SCML4: variants seen among roughly 807,000 people sequenced by gnomAD.
SCML4 encodes the protein Scm polycomb group protein like 4.
Under a neutral mutation model 41.1 loss-of-function variants are expected in SCML4, and 34 were observed. The ratio of observed to expected loss-of-function variants is 0.83; its 90% CI spans 0.63 to 1.10. The LOEUF (loss-of-function observed/expected upper bound fraction) is 1.10, where lower values mean the gene tolerates loss of function less well. SCML4 is among the 50% of genes least tolerant of loss of function. SCML4 has a pLI of 0.00. For synonymous variants in SCML4, 214 were observed against 220.9 expected (o/e 0.97, Z 0.28); for missense variants, 522 against 534.1 (o/e 0.98, Z 0.22).
intron 2 of SCML4, among the ~76,000 whole-genome samples, chr6:107,763,064 G>A (rs377047373): frequency 2.6e-5 from 4 of 151,900 alleles, no homozygotes; most frequent in South Asian, 4.2e-4. Flanking sequence ...TTTATTTTTT[G>A]TAGAAGCAGG....
upstream of SCML4, among the ~76,000 whole-genome samples, chr6:107,825,956 A>AAAG (rs1168842777): frequency 1.3e-5 from 2 of 149,094 alleles, no homozygotes; most frequent in African/African-American, 5.0e-5. Flanking sequence ...AAAAAAAAAA[A>AAAG]GAAAATAAGA....
rs546464446 is a variant in SCML4 at position 107,703,888 on chromosome 6, T to A, written c.*1312A>T. ...CAAAGGCGAATTCATTTTGAAGATA[T>A]GTTTTCTGCTCAGTGTGAAAGAAGA... On this transcript the variant is annotated 3_prime_UTR_variant, in exon 8 of 8. Transcript: ENST00000369020. Among the ~76,000 whole-genome samples the A allele has an allele frequency of 2.1e-4, 32 of 152,320 alleles. No homozygotes were observed. Among genetic ancestry groups the A allele is most frequent in the African/African-American group, 7.5e-4 (31 of 41,572 alleles).
chr6:107,732,647 C>G (rs567579332), intron 5 of SCML4, among the ~76,000 whole-genome samples: 1 of 152,048 alleles, frequency 6.6e-6, no homozygotes, highest in Admixed American at 6.6e-5. Flanking sequence ...TAATGAATGG[C>G]CTTTCTGTGC....
intron 1 of SCML4, among the ~76,000 whole-genome samples, chr6:107,781,702 A>T (rs1233833290): frequency 6.6e-6 from 1 of 151,864 alleles, no homozygotes; most frequent in African/African-American, 2.4e-5. Context: ...AGGAAAAAAG[A>T]GGTTCAACAG....
chr6:107,815,266 G>A (rs1878780), intron 1 of SCML4, among the ~76,000 whole-genome samples: 31,902 of 152,118 alleles, frequency 0.21, 3,968 homozygotes, highest in African/African-American at 0.34. Context: ...GGGCATTCCT[G>A]CCACTTAGAG....
the SCML4 span, among the ~76,000 whole-genome samples, chr6:107,841,156 T>TAAA: frequency 6.7e-6 from 1 of 148,962 alleles, no homozygotes; most frequent in African/African-American, 2.5e-5. Context: ...TATAAACTGC[T>TAAA]AAAAAAAAAA....
At chr6:107,844,307 A>G in the SCML4 span, among the ~76,000 whole-genome samples, 5 of 152,238 alleles carry the variant, frequency 3.3e-5, no homozygotes, top group Non-Finnish European at 5.9e-5. Flanking sequence ...CCTCAAGTAC[A>G]GAAGTAGAAT....
intron 7 of SCML4, 52 bp downstream of exon 7, chr6:107,707,814 T>C (rs1369783573): frequency 8.4e-6 from 13 of 1,550,440 alleles, no homozygotes; most frequent in Non-Finnish European, 1.1e-5. Context: ...TCACTCTCCT[T>C]CTGTGCCTGC....
At chr6:107,767,168 G>C (rs1385772376) in intron 2 of SCML4, among the ~76,000 whole-genome samples, 1 of 151,994 alleles carries the variant, frequency 6.6e-6, no homozygotes, top group Non-Finnish European at 1.5e-5. Context: ...ATGTTGTCCA[G>C]GGTGGTCTCG....
chr6:107,745,201 A>C, intron 4 of SCML4, 58 bp from the exon 5 acceptor site: 1 of 1,299,400 alleles, frequency 7.7e-7, no homozygotes, highest in Non-Finnish European at 1.1e-6. Context: ...CCGCAAGTCA[A>C]TCGGCCGTGG....
chr6:107,707,951 G>A lies in SCML4; in HGVS notation c.1034C>T (p.Ala345Val). The change falls in exon 7 of 8, where the codon GCC (alanine) becomes GTC (valine). Residue 345 changes from alanine (A) to valine (V), a missense_variant. Coordinates refer to ENST00000369020, the MANE Select transcript of SCML4 (RefSeq NM_198081.5). ...CCACACCACGTCCTCCACAGTCCAG[G>A]CGGAGGGGTTCCTGCTCCGTGGCCG... ...ARRPRSRNPS[A>V]WTVEDVVWFV... The A allele has an allele frequency of 6.4e-7, 1 of 1,551,640 alleles. No homozygotes were observed. Among genetic ancestry groups the A allele is most frequent in the Non-Finnish European group, 8.7e-7 (1 of 1,147,002 alleles).
At chr6:107,761,572 G>A (rs895009609) in intron 2 of SCML4, among the ~76,000 whole-genome samples, 1 of 151,906 alleles carries the variant, frequency 6.6e-6, no homozygotes, top group African/African-American at 2.4e-5. Flanking sequence ...AAGTAGCTTG[G>A]ATTACAGGCA....
intron 7 of SCML4, among the ~76,000 whole-genome samples, chr6:107,706,088 TA>T (rs1773596912): frequency 6.6e-6 from 1 of 152,098 alleles, no homozygotes; most frequent in African/African-American, 2.4e-5. Flanking sequence ...AGAAAAGACA[TA>T]GTTACAGGAT....
intron 1 of SCML4, among the ~76,000 whole-genome samples, chr6:107,806,064 G>A (rs1783700045): frequency 6.6e-6 from 1 of 152,180 alleles, no homozygotes; most frequent in Non-Finnish European, 1.5e-5. Flanking sequence ...TTACCACGGG[G>A]CCAGGTGATG....
chr6:107,748,526 G>T (rs1334638230), intron 3 of SCML4, among the ~76,000 whole-genome samples: 1 of 152,190 alleles, frequency 6.6e-6, no homozygotes, highest in Non-Finnish European at 1.5e-5. Flanking sequence ...AAAAACTGTA[G>T]CCAGTGATGC....
At position 107,720,865 on chromosome 6, in the gene SCML4, T is replaced by C; in HGVS notation, c.811A>G (p.Arg271Gly). ...LHPSSSLYCKRQNSGDSHLGG... is the reference protein window; with the variant it reads ...LHPSSSLYCKGQNSGDSHLGG... ...AGGTGGCTGTCTCCAGAGTTCTGCC[T>C]CTTGCAGTACAGCGAGGAGGAGGGG... Residue 271 changes from arginine (R) to glycine (G), a missense_variant, in exon 6 of 8, where the codon AGG (arginine) becomes GGG (glycine). Transcript: ENST00000369020. 6.2e-7 allele frequency: 1 copy of C among 1,614,154 alleles called. No individual in the cohort carries two copies. The highest frequency in any genetic ancestry group is 8.5e-7 in the Non-Finnish European group (1 of 1,180,022).
At chr6:107,828,477 T>C (rs1785316114), upstream of SCML4, among the ~76,000 whole-genome samples, 1 of 152,196 alleles carries the variant, frequency 6.6e-6, no homozygotes, top group Non-Finnish European at 1.5e-5. Context: ...TGGCCATAAT[T>C]ACAAAGGGGC....
chr6:107,734,874 T>C lies in SCML4; in HGVS notation c.682+10075A>G, dbSNP rs1776903343. Among the ~76,000 whole-genome samples, 4 of 152,266 alleles carry C rather than the reference T, an allele frequency of 2.6e-5. No individual in the cohort carries two copies. In the South Asian group the frequency reaches 8.3e-4, roughly 32 times the overall value. ...TTTTAGTTTCTTTTTGTTGTTGTTG[T>C]TGTTATTGTTGTGGTTTTTGAGAAG... On this transcript the variant is annotated intron_variant, in intron 5 of 7. Coordinates refer to ENST00000369020, the MANE Select transcript of SCML4 (RefSeq NM_198081.5).
chr6:107,822,508 CTTTTTTT>C (rs10677944), intron 1 of SCML4, among the ~76,000 whole-genome samples: 1 of 137,998 alleles, frequency 7.2e-6, no homozygotes, highest in Non-Finnish European at 1.5e-5. Flanking sequence ...TTTTTCTTTT[CTTTTTTT>C]TTTTTTGCAG....
Sources: allele counts gnomAD v4.1 joint callset (sites outside exome capture counted in the v4.1 genomes callset), GRCh38; gene constraint gnomAD v4.1.1; transcripts MANE v1.5; gene names NCBI Gene and HGNC (gene_info 2026-07-23, HGNC 2026-07-21).